The following MBTPS1 variants were observed in gnomAD, a reference collection of about 807,000 sequenced individuals.
MBTPS1 encodes membrane-bound transcription factor site-1 protease.
MBTPS1 carries 94 observed loss-of-function variants against 127.8 expected under a neutral mutation model. That is an observed-to-expected ratio of 0.74 (90% confidence interval 0.62 to 0.87). The LOEUF is 0.87. Among genes scored for constraint, MBTPS1 ranks in the 40% least tolerant of loss-of-function variants. The pLI, the probability that MBTPS1 is intolerant of heterozygous loss-of-function variation, is 0.00. For synonymous variants in MBTPS1, 632 were observed against 509.4 expected (o/e 1.24, Z -3.24); for missense variants, 1,636 against 1,353.2 (o/e 1.21, Z -3.28).
chr16:84,073,538 T>A (rs1306851639), intron 12 of MBTPS1, among the ~76,000 whole-genome samples: 2 of 152,250 alleles, frequency 1.3e-5, no homozygotes, highest in Non-Finnish European at 2.9e-5. Flanking sequence ...AGATAAGGGC[T>A]GGAAAAGAAT....
chr16:84,091,095 T>G (rs113754192), intron 7 of MBTPS1, among the ~76,000 whole-genome samples, 153 bp from the exon 8 acceptor site: 61 of 151,992 alleles, frequency 4.0e-4, no homozygotes, highest in African/African-American at 1.4e-3. Flanking sequence ...AACTTGCATT[T>G]TTAGAGGATA....
chr16:84,087,035 G>C (rs1001898089), intron 9 of MBTPS1, among the ~76,000 whole-genome samples: 1 of 152,100 alleles, frequency 6.6e-6, no homozygotes, highest in Non-Finnish European at 1.5e-5. Flanking sequence ...CTACTAGATA[G>C]GGTAAACGGG....
At chr16:84,078,173 G>A (rs138987981) in intron 11 of MBTPS1, among the ~76,000 whole-genome samples, 4 of 152,210 alleles carry the variant, frequency 2.6e-5, no homozygotes, top group African/African-American at 4.8e-5. Flanking sequence ...AGAGCTACCC[G>A]ATGCTCTCAA....
intron 1 of MBTPS1, among the ~76,000 whole-genome samples, chr16:84,104,118 A>G (rs1452905061): frequency 6.6e-6 from 1 of 152,232 alleles, no homozygotes; most frequent in African/African-American, 2.4e-5. Context: ...TTAATTAAAG[A>G]CTACTGGCCG....
intron 1 of MBTPS1, among the ~76,000 whole-genome samples, chr16:84,103,811 A>C (rs2086289212): frequency 6.6e-6 from 1 of 152,228 alleles, no homozygotes; most frequent in Admixed American, 6.5e-5. Context: ...CCTGAAAAAC[A>C]AGCCCATCTC....
At chr16:84,097,462 C>T (rs1053932714) in intron 3 of MBTPS1, among the ~76,000 whole-genome samples, 3 of 152,168 alleles carry the variant, frequency 2.0e-5, no homozygotes, top group Non-Finnish European at 4.4e-5. Context: ...GGCATGGGAA[C>T]GCAGTGGGCA....
chr16:84,099,371 T>A (rs978873320), intron 2 of MBTPS1, 61 bp from the exon 3 acceptor site: 6 of 1,507,548 alleles, frequency 4.0e-6, no homozygotes, highest in Non-Finnish European at 5.4e-6. Context: ...ACATATACTA[T>A]ATTGTATCTA....
rs544943955 is a variant in MBTPS1 at position 84,112,961 on chromosome 16, C to G, written c.-325+3774G>C. 2.8e-4 allele frequency among the ~76,000 whole-genome samples: 35 copies of G among 125,962 alleles called. No individual in the cohort carries two copies. In the East Asian group the frequency reaches 5.7e-3, roughly 21 times the overall value. 82.6% of individuals were successfully genotyped at this position (125,962 alleles called of 152,430 possible). ...CTGCACTCCAGCCTGGGAGACAGAG[C>G]GAGATGCCATCTCAAAAAAAAAAAA... On this transcript the variant is annotated intron_variant, in intron 1 of 22. Transcript: ENST00000343411.
At position 84,093,091 on chromosome 16, in the gene MBTPS1, G is replaced by A. The variant is rs989803774; in HGVS notation, c.846+97C>T. The A allele has an allele frequency of 8.1e-5, 67 of 829,322 alleles. 1 individual carries two copies. The highest frequency in any genetic ancestry group is 1.8e-4 in the Admixed American group (10 of 55,172). The allele number at this position is 829,322 out of a possible 1,614,324, so 51.4% of individuals were successfully genotyped here. ...GTATGAATGGCTCAGCGTCACTGAC[G>A]TGCACTCCTTTTACACAAGTGTGTA... On this transcript the variant is annotated intron_variant, in intron 6 of 22. Coordinates refer to ENST00000343411, the MANE Select transcript of MBTPS1 (RefSeq NM_003791.4).
intron 1 of MBTPS1, among the ~76,000 whole-genome samples, chr16:84,103,014 T>G (rs2151169943): frequency 6.6e-6 from 1 of 152,260 alleles, no homozygotes; most frequent in East Asian, 1.9e-4. Context: ...AAGAAAAATG[T>G]CACCTGAATA....
Position 84,091,745 on chromosome 16 carries a change from G to T in MBTPS1, c.950C>A (p.Pro317Gln). Residue 317 changes from proline to glutamine, a missense_variant, in exon 7 of 23, where the codon CCG becomes CAG. By Grantham distance (76) the Pro-to-Gln change is moderately conservative. Transcript: ENST00000343411. The part of the protein sequence containing the change: ...SIGGPDFMDH[P>Q]FVDKVWELTA... ...GACTCCACAAACCTTGTCAACAAAC[G>T]GATGATCCATGAAGTCCGGGCCGCC... 6.2e-7 allele frequency: 1 copy of T among 1,613,074 alleles called. No individual in the cohort carries two copies. Among genetic ancestry groups the T allele is most frequent in the South Asian group, 1.1e-5 (1 of 91,074 alleles).
chr16:84,114,476 A>T (rs889977327), intron 1 of MBTPS1, among the ~76,000 whole-genome samples: 12 of 152,216 alleles, frequency 7.9e-5, no homozygotes, highest in African/African-American at 2.9e-4. Flanking sequence ...TTAGTCATGC[A>T]GTATTAGCTG....
At position 84,056,081 on chromosome 16, in the gene MBTPS1, T is replaced by C. The variant is rs1476758891; in HGVS notation, c.2886A>G (p.Leu962=). The C allele has an allele frequency of 5.0e-6, 8 of 1,613,932 alleles. No homozygotes were observed. The highest frequency in any genetic ancestry group is 5.1e-6 in the Non-Finnish European group (6 of 1,179,890). Residue 962 remains leucine, a synonymous_variant, in exon 22 of 23, where the codon TTA becomes TTG. Transcript: ENST00000343411. The part of the protein sequence containing the change: ...LLSIDLDKVV[L]PNFRSNRPQV... ...GAGGGCGATTCGATCGAAAGTTGGG[T>C]AACACCACCTTGTCCAGGTCAATGG...
chr16:84,099,204 T>A lies in MBTPS1; in HGVS notation c.270A>T (p.Arg90=). ...TAGGGTAGTCACTGGATGGATTGTT[T>A]CGAGGTATAATTCTCCAATTGTCTA... The part of the protein sequence containing the change: ...SEVDNWRIIP[R]NNPSSDYPSD... Residue 90 remains arginine, a synonymous_variant, in exon 3 of 23, where the codon CGA becomes CGT. Transcript: ENST00000343411. 1 of 1,614,206 alleles carries A rather than the reference T, an allele frequency of 6.2e-7. No individual in the cohort carries two copies. The highest frequency in any genetic ancestry group is 8.5e-7 in the Non-Finnish European group (1 of 1,180,024).
At chr16:84,116,098 C>G (rs546376392) in intron 1 of MBTPS1, among the ~76,000 whole-genome samples, 3 of 152,140 alleles carry the variant, frequency 2.0e-5, no homozygotes, top group Admixed American at 1.3e-4. Flanking sequence ...TTCCACTCCA[C>G]GTAATTTCGA....
intron 6 of MBTPS1, 150 bp downstream of exon 6, chr16:84,093,038 G>C (rs1040139302): frequency 1.6e-6 from 1 of 644,552 alleles, no homozygotes; most frequent in African/African-American, 1.8e-5. Flanking sequence ...GGAGGCAGAG[G>C]AACAGTAAAC....
intron 15 of MBTPS1, 126 bp from the exon 16 acceptor site, chr16:84,067,949 C>A: frequency 2.4e-6 from 2 of 820,582 alleles, no homozygotes; most frequent in Admixed American, 5.6e-5. Context: ...TTTGTGCCAC[C>A]CTGTACCACT....
chr16:84,058,614 T>G (rs2085556544), intron 21 of MBTPS1, among the ~76,000 whole-genome samples: 2 of 151,842 alleles, frequency 1.3e-5, no homozygotes, highest in African/African-American at 2.4e-5. Context: ...ACAGAAAAAG[T>G]AAGGGGGTGG....
At chr16:84,059,185 A>C in intron 21 of MBTPS1, 117 bp downstream of exon 21, 1 of 1,351,044 alleles carries the variant, frequency 7.4e-7, no homozygotes. Context: ...GCAAATGACA[A>C]GCTTGAAGAT....
Sources: allele counts gnomAD v4.1 joint callset (sites outside exome capture counted in the v4.1 genomes callset), GRCh38; gene constraint gnomAD v4.1.1; transcripts MANE v1.5; gene names NCBI Gene and HGNC (gene_info 2026-07-23, HGNC 2026-07-21).